The following RFX7 variants were observed in gnomAD, a reference collection of about 807,000 sequenced individuals.
The protein encoded by RFX7 is DNA-binding protein RFX7.
RFX7 carries 26 observed loss-of-function variants against 111.8 expected under a neutral mutation model. That is an observed-to-expected ratio of 0.23 (90% CI 0.17 to 0.32). RFX7 has a LOEUF of 0.32. Among genes scored for constraint, RFX7 ranks in the 10% least tolerant of loss-of-function variants. The pLI is 1.00. For missense variants in RFX7, 1,573 were observed against 1,772.9 expected, an observed-to-expected ratio of 0.89 and a Z score of 2.02; for synonymous variants, 624 against 624.4, an observed-to-expected ratio of 1.00 and a Z score of 0.01.
chr15:56,176,952 A>C (rs937096965), intron 3 of RFX7, among the ~76,000 whole-genome samples: 5 of 145,500 alleles, frequency 3.4e-5, no homozygotes, highest in Non-Finnish European at 7.6e-5. Flanking sequence ...AAAAAAAAAA[A>C]CAGATTGCAC....
intron 2 of RFX7, among the ~76,000 whole-genome samples, chr15:56,186,335 A>G (rs1487480148): frequency 1.3e-5 from 2 of 152,192 alleles, no homozygotes; most frequent in African/African-American, 4.8e-5. Context: ...CCCAGCATTT[A>G]AGGTCTGTAT....
intron 8 of RFX7, among the ~76,000 whole-genome samples, chr15:56,101,047 A>G (rs1021501186): frequency 6.6e-6 from 1 of 152,186 alleles, no homozygotes; most frequent in Non-Finnish European, 1.5e-5. Flanking sequence ...TGTACATATA[A>G]AAGTACATAT....
At chr15:56,127,893 T>TA (rs1205111999) in intron 5 of RFX7, among the ~76,000 whole-genome samples, 54 of 138,858 alleles carry the variant, frequency 3.9e-4, no homozygotes, top group East Asian at 6.2e-4. Context: ...TGTCCAAGTT[T>TA]AAAAAAAAAA....
intron 5 of RFX7, among the ~76,000 whole-genome samples, chr15:56,111,661 C>CAAAAAAAAAAAAAAAAAACCAA (rs2041934041): frequency 1.0e-5 from 1 of 95,578 alleles, no homozygotes; most frequent in African/African-American, 4.1e-5. Flanking sequence ...ATAAATAAAC[C>CAAAAAAAAAAAAAAAAAACCAA]AAAAAAAAAA....
At chr15:56,243,898 G>A (rs1178799828), upstream of RFX7, 1 of 149,048 alleles carries the variant, frequency 6.7e-6, no homozygotes, top group Non-Finnish European at 1.5e-5. Flanking sequence ...GCCCGGCGCA[G>A]ACCGCACAAC....
Position 56,090,380 on chromosome 15 carries a change from T to C in RFX7, c.*2965A>G, listed in dbSNP as rs1365005482. 2.0e-5 allele frequency: 3 copies of C among 152,254 alleles called. No individual in the cohort carries two copies. Among genetic ancestry groups the C allele is most frequent in the South Asian group, 2.1e-4 (1 of 4,832 alleles). The allele number at this position is 152,254 out of a possible 1,614,324, so 9.4% of individuals were successfully genotyped here. On this transcript the variant is annotated 3_prime_UTR_variant, in exon 10 of 10. Coordinates refer to ENST00000559447, the MANE Select transcript of RFX7 (RefSeq NM_022841.7). ...AGATCTGTGTATTCTTCTGGATTAA[T>C]AGCACACAGCAGATCAGCAGCACTG...
chr15:56,209,680 G>C (rs2043290988), intron 2 of RFX7, among the ~76,000 whole-genome samples: 1 of 151,976 alleles, frequency 6.6e-6, no homozygotes, highest in Non-Finnish European at 1.5e-5. Context: ...CCAGAGGCAG[G>C]AATTAGGATT....
At chr15:56,237,081 T>C (rs2043632021) in intron 2 of RFX7, among the ~76,000 whole-genome samples, 1 of 152,176 alleles carries the variant, frequency 6.6e-6, no homozygotes, top group Admixed American at 6.5e-5. Flanking sequence ...ATTAATTATA[T>C]TAGTCTTTCA....
At chr15:56,178,509 A>G (rs2042928731) in intron 3 of RFX7, among the ~76,000 whole-genome samples, 1 of 152,130 alleles carries the variant, frequency 6.6e-6, no homozygotes, top group South Asian at 2.1e-4. Context: ...CCCAAGTCAC[A>G]AGTGGGGAAA....
chr15:56,207,799 G>GA (rs1337333236), intron 2 of RFX7, among the ~76,000 whole-genome samples: 5 of 152,134 alleles, frequency 3.3e-5, no homozygotes, highest in Admixed American at 6.5e-5. Flanking sequence ...GAAAAAAACT[G>GA]AAAAATCAAC....
At chr15:56,185,487 A>T (rs1178100758) in intron 2 of RFX7, among the ~76,000 whole-genome samples, 1 of 152,168 alleles carries the variant, frequency 6.6e-6, no homozygotes, top group Non-Finnish European at 1.5e-5. Context: ...ACATATGTTA[A>T]ATATCCAACT....
chr15:56,128,468 T>TA (rs1442363151), intron 5 of RFX7, among the ~76,000 whole-genome samples: 1 of 152,124 alleles, frequency 6.6e-6, no homozygotes, highest in African/African-American at 2.4e-5. Flanking sequence ...TCAGTTCATC[T>TA]AAAAAAACCT....
chr15:56,092,648 A>G lies in RFX7; in HGVS notation c.*697T>C, dbSNP rs1398139071. The G allele has an allele frequency of 1.3e-5, 2 of 152,632 alleles. No individual in the cohort carries two copies. The highest frequency in any genetic ancestry group is 2.9e-5 in the Non-Finnish European group (2 of 68,026). The allele number at this position is 152,632 out of a possible 1,614,324, so 9.5% of individuals were successfully genotyped here. ...CTGCGCATCTATGTGTGCTAGCTCC[A>G]TATTAAAATCAACATTTAAATATTA... On this transcript the variant is annotated 3_prime_UTR_variant, in exon 10 of 10. Transcript: ENST00000559447.
intron 2 of RFX7, among the ~76,000 whole-genome samples, chr15:56,230,492 TACC>T (rs746909269): frequency 4.1e-4 from 62 of 152,320 alleles, no homozygotes; most frequent in African/African-American, 1.3e-3. Flanking sequence ...GGGAGAAAAT[TACC>T]ACATTATGTT....
chr15:56,170,230 T>C (rs760591675), intron 3 of RFX7, among the ~76,000 whole-genome samples: 37 of 152,314 alleles, frequency 2.4e-4, no homozygotes, highest in Non-Finnish European at 4.6e-4. Context: ...ATAAAGGTTA[T>C]TGTATCACAC....
intron 3 of RFX7, among the ~76,000 whole-genome samples, chr15:56,176,372 C>A (rs1015345606): frequency 2.6e-5 from 4 of 152,098 alleles, no homozygotes; most frequent in African/African-American, 9.7e-5. Flanking sequence ...CGTAGTCAAA[C>A]TGTTAAAAGT....
intron 5 of RFX7, among the ~76,000 whole-genome samples, chr15:56,124,514 C>T (rs2042117899): frequency 6.6e-6 from 1 of 152,082 alleles, no homozygotes; most frequent in African/African-American, 2.4e-5. Flanking sequence ...TCTTTGCATC[C>T]TCTCCAGCAT....
chr15:56,205,579 T>C (rs1294258241), intron 2 of RFX7, among the ~76,000 whole-genome samples: 3 of 152,238 alleles, frequency 2.0e-5, no homozygotes, highest in African/African-American at 7.2e-5. Flanking sequence ...ATGTTTTCAC[T>C]AGAGATTTCT....
intron 3 of RFX7, 97 bp downstream of exon 3, chr15:56,179,173 T>G: frequency 1.8e-6 from 1 of 558,348 alleles, no homozygotes; most frequent in South Asian, 2.0e-5. Context: ...TGGAGTTAGA[T>G]TATATTTAAA....
Sources: gnomAD v4.1 joint callset for allele counts (sites outside exome capture counted in the v4.1 genomes callset) on GRCh38, gnomAD v4.1.1 for gene constraint, MANE v1.5 for transcripts, NCBI Gene and HGNC (gene_info 2026-07-23, HGNC 2026-07-21) for gene names.